LRRC37A2: variants seen among roughly 807,000 people sequenced by gnomAD.
LRRC37A2 encodes leucine-rich repeat-containing protein 37A2.
LRRC37A2 carries 9 observed loss-of-function variants against 68.8 expected under a neutral mutation model. That is an observed-to-expected ratio of 0.13 (90% confidence interval 0.08 to 0.23). The LOEUF (loss-of-function observed/expected upper bound fraction) is 0.23. LRRC37A2 is among the 10% of genes least tolerant of loss of function. LRRC37A2 has a pLI of 1.00. For synonymous variants in LRRC37A2, 63 were observed against 367.6 expected, an observed-to-expected ratio of 0.17 and a Z score of 9.48; for missense variants, 168 against 950.4, an observed-to-expected ratio of 0.18 and a Z score of 10.82.
At chr17:47,035,510 T>G in the LRRC37A2 span, among the ~76,000 whole-genome samples, 1,317 of 152,362 alleles carry the variant, frequency 8.6e-3, 30 homozygotes, top group African/African-American at 0.03. Context: ...TTTGCAAGGC[T>G]GAGTGATATT....
At chr17:46,879,223 G>C in the LRRC37A2 span, among the ~76,000 whole-genome samples, 1 of 152,192 alleles carries the variant, frequency 6.6e-6, no homozygotes, top group South Asian at 2.1e-4. Flanking sequence ...GAAACCCTCT[G>C]TCTGGGGAGA....
chr17:46,924,609 T>A, the LRRC37A2 span: 2 of 152,336 alleles, frequency 1.3e-5, no homozygotes, highest in African/African-American at 4.8e-5. Context: ...TCTTTCTCTT[T>A]CATTTTCTAA....
the LRRC37A2 span, chr17:46,757,210 T>C: frequency 6.6e-6 from 1 of 152,258 alleles, no homozygotes; most frequent in Non-Finnish European, 1.5e-5. Context: ...TTGTTTTGGG[T>C]TTTCTTCCCT....
chr17:46,738,611 C>T, the LRRC37A2 span, among the ~76,000 whole-genome samples: 2 of 152,134 alleles, frequency 1.3e-5, no homozygotes, highest in African/African-American at 4.8e-5. Context: ...TAGGTAGATA[C>T]GGTGTGCCCT....
At chr17:46,687,875 A>AT in the LRRC37A2 span, among the ~76,000 whole-genome samples, 2 of 89,386 alleles carry the variant, frequency 2.2e-5, no homozygotes, top group Non-Finnish European at 4.3e-5. Context: ...CTTCTTAGCT[A>AT]TTAGACCCTC....
the LRRC37A2 span, among the ~76,000 whole-genome samples, chr17:46,976,065 T>C: frequency 6.6e-6 from 1 of 151,884 alleles, no homozygotes. Context: ...TAGCTGCGAC[T>C]ACAGGTGCTC....
the LRRC37A2 span, among the ~76,000 whole-genome samples, chr17:46,792,638 T>A: frequency 2.6e-5 from 4 of 152,132 alleles, no homozygotes; most frequent in Non-Finnish European, 4.4e-5. Context: ...CACACCTGGC[T>A]AATTTTTGTA....
At chr17:46,800,003 CAG>C in the LRRC37A2 span, among the ~76,000 whole-genome samples, 3 of 152,254 alleles carry the variant, frequency 2.0e-5, no homozygotes, top group Admixed American at 2.0e-4. Context: ...TGGGAGATCA[CAG>C]AGTGAGGGGA....
At chr17:47,017,661 C>T in the LRRC37A2 span, 24 of 1,610,570 alleles carry the variant, frequency 1.5e-5, no homozygotes, top group East Asian at 4.5e-4. Context: ...TCCAGCTCAG[C>T]GTTGGAGCCT....
the LRRC37A2 span, chr17:46,726,500 C>T: frequency 3.0e-5 from 46 of 1,544,986 alleles, no homozygotes; most frequent in African/African-American, 8.2e-5. Flanking sequence ...TGGAAATTGT[C>T]GTAACTGTGG....
the LRRC37A2 span, among the ~76,000 whole-genome samples, chr17:46,983,123 G>A: frequency 6.6e-6 from 1 of 152,030 alleles, no homozygotes; most frequent in African/African-American, 2.4e-5. Context: ...GGCTTCCTGG[G>A]CTGGTGCTGT....
chr17:46,818,438 C>T, the LRRC37A2 span: 1 of 1,432,326 alleles, frequency 7.0e-7, no homozygotes, highest in Non-Finnish European at 9.6e-7. Context: ...CCTGCAGCGG[C>T]CCACCCCCAG....
the LRRC37A2 span, chr17:46,721,808 C>A: frequency 8.8e-6 from 14 of 1,599,360 alleles, no homozygotes; most frequent in Admixed American, 2.2e-4. Context: ...TGTCAGAGTA[C>A]GGCTCCTGGG....
the LRRC37A2 span, among the ~76,000 whole-genome samples, chr17:47,000,033 TAAAA>T: frequency 0.03 from 634 of 21,244 alleles, 56 homozygotes; most frequent in East Asian, 0.21. Context: ...TAAAATAAAA[TAAAA>T]TAAAATAAAA....
At chr17:46,900,762 G>GT in the LRRC37A2 span, among the ~76,000 whole-genome samples, 1 of 152,150 alleles carries the variant, frequency 6.6e-6, no homozygotes, top group East Asian at 1.9e-4. Flanking sequence ...AGTTGTATGT[G>GT]TTTTTTTTCT....
chr17:46,802,288 C>T, the LRRC37A2 span, among the ~76,000 whole-genome samples: 5 of 152,156 alleles, frequency 3.3e-5, no homozygotes, highest in East Asian at 1.9e-4. Context: ...TTTATTTTGA[C>T]GGAGTTTGAC....
At chr17:47,024,605 A>G in the LRRC37A2 span, 3 of 986,664 alleles carry the variant, frequency 3.0e-6, no homozygotes, top group East Asian at 4.7e-5. Context: ...TTTCCTCCAC[A>G]TGCAGGAGAC....
In LRRC37A2 at chr17:46,529,200, A is replaced by C. The variant is rs562736450; in HGVS notation, c.2906+5316A>C. Among the ~76,000 whole-genome samples, 8 of 133,444 alleles carry C rather than the reference A, an allele frequency of 6.0e-5. No homozygotes were observed. The South Asian group carries it at 1.9e-3, about 31-fold the overall frequency. The allele number at this position is 133,444 out of a possible 152,430, so 87.5% of individuals were successfully genotyped here. On this transcript the variant is annotated intron_variant, in intron 6 of 14. Transcript: ENST00000576629. ...CTGTACAGAAGAATTTGGAGGGAAAAAAAAGAACAAGCAAGAAATGTTCCC... is the reference window on the plus strand; with the variant it reads ...CTGTACAGAAGAATTTGGAGGGAAACAAAAGAACAAGCAAGAAATGTTCCC...
At chr17:46,932,266 C>T in the LRRC37A2 span, 1 of 1,582,326 alleles carries the variant, frequency 6.3e-7, no homozygotes, top group Non-Finnish European at 8.7e-7. Context: ...GTTCAGATCT[C>T]TGAGCGCCAT....
Sources: allele counts gnomAD v4.1 joint callset (sites outside exome capture counted in the v4.1 genomes callset), GRCh38; gene constraint gnomAD v4.1.1; transcripts MANE v1.5; gene names NCBI Gene and HGNC (gene_info 2026-07-23, HGNC 2026-07-21).